Variants in SYT1 observed in about 807,000 individuals in gnomAD.
The protein encoded by SYT1 is synaptotagmin 1.
In SYT1, 8 loss-of-function variants were observed where a neutral mutation model predicts 44.8. The observed-to-expected ratio is 0.18, with a 90% confidence interval of 0.10 to 0.32. SYT1 has a LOEUF of 0.32. SYT1 is among the 10% of genes least tolerant of loss of function. The pLI is 1.00. For missense variants in SYT1, 286 were observed against 509.3 expected, an observed-to-expected ratio of 0.56 and a Z score of 4.22; for synonymous variants, 154 against 188.8, an observed-to-expected ratio of 0.82 and a Z score of 1.51.
At chr12:78,907,513 C>G (rs1876060425) in intron 1 of SYT1, among the ~76,000 whole-genome samples, 1 of 151,952 alleles carries the variant, frequency 6.6e-6, no homozygotes, top group Non-Finnish European at 1.5e-5. Context: ...TTGAGTTTCT[C>G]TAGCAAAGCA....
intron 4 of SYT1, among the ~76,000 whole-genome samples, chr12:79,253,524 T>TCTCTCA (rs1877350017): frequency 2.2e-5 from 3 of 135,770 alleles, no homozygotes; most frequent in African/African-American, 8.6e-5. Flanking sequence ...TCTCTCTCTC[T>TCTCTCA]CACCTCAGAA....
At chr12:79,168,352 G>T (rs1232580236) in intron 3 of SYT1, among the ~76,000 whole-genome samples, 1 of 151,970 alleles carries the variant, frequency 6.6e-6, no homozygotes, top group African/African-American at 2.4e-5. Flanking sequence ...CCAAAACCGT[G>T]TCAGGCAAAT....
intron 9 of SYT1, among the ~76,000 whole-genome samples, chr12:79,431,504 TTTTATTTTATTA>T (rs1393745250): frequency 6.0e-5 from 8 of 134,200 alleles, no homozygotes; most frequent in South Asian, 2.4e-4. Flanking sequence ...GTTTATTTTA[TTTTATTTTATTA>T]TTTATTTATT....
chr12:79,043,519 T>A (rs1873754465), intron 2 of SYT1, among the ~76,000 whole-genome samples: 1 of 150,824 alleles, frequency 6.6e-6, no homozygotes, highest in South Asian at 2.1e-4. Context: ...CCTATGTGTG[T>A]CTCTGCATGT....
chr12:79,400,752 A>G (rs1220361327), intron 9 of SYT1, among the ~76,000 whole-genome samples: 1 of 152,196 alleles, frequency 6.6e-6, no homozygotes, highest in African/African-American at 2.4e-5. Flanking sequence ...TGTTGTTCTG[A>G]TCACCTTTGT....
At chr12:79,270,225 T>C (rs1024851042) in intron 4 of SYT1, among the ~76,000 whole-genome samples, 1 of 152,208 alleles carries the variant, frequency 6.6e-6, no homozygotes, top group East Asian at 1.9e-4. Context: ...CATCTACTTA[T>C]AATGATCTAG....
At chr12:78,985,630 T>C (rs1869588078) in intron 2 of SYT1, among the ~76,000 whole-genome samples, 1 of 151,788 alleles carries the variant, frequency 6.6e-6, no homozygotes. Context: ...AAATTCTTTA[T>C]GTTCTTTTAG....
At chr12:79,161,100 G>A (rs1426094210) in intron 3 of SYT1, among the ~76,000 whole-genome samples, 1 of 151,968 alleles carries the variant, frequency 6.6e-6, no homozygotes, top group Non-Finnish European at 1.5e-5. Context: ...TATTAGCCAG[G>A]TATGGTGGGT....
intron 1 of SYT1, among the ~76,000 whole-genome samples, chr12:78,917,636 GA>G (rs1876744518): frequency 1.3e-5 from 2 of 150,536 alleles, no homozygotes; most frequent in Non-Finnish European, 3.0e-5. Flanking sequence ...AAAAAAAAAG[GA>G]AAACCAATTT....
rs78817728 is a variant in SYT1 at position 79,357,368 on chromosome 12, A to G, written c.928+3749A>G. ...TTTAACTGCAGTCATGTGTTGATTA[A>G]CAACAGGCATACATTTTGAGAAATG... On this transcript the variant is annotated intron_variant, in intron 9 of 10. Coordinates refer to ENST00000261205, the MANE Select transcript of SYT1 (RefSeq NM_005639.3). Among the ~76,000 whole-genome samples the G allele has an allele frequency of 1.0e-2, 1,521 of 152,326 alleles. 16 individuals are homozygous for G. The highest frequency in any genetic ancestry group is 0.037 in the East Asian group (192 of 5,184).
At chr12:78,941,394 T>TACACACAC (rs71441941) in intron 1 of SYT1, among the ~76,000 whole-genome samples, 15 of 143,812 alleles carry the variant, frequency 1.0e-4, no homozygotes, top group East Asian at 6.2e-4. Context: ...TAATAGAATC[T>TACACACAC]ACACACACAC....
intron 1 of SYT1, among the ~76,000 whole-genome samples, chr12:78,866,192 A>C (rs994309522): frequency 9.9e-5 from 15 of 152,182 alleles, no homozygotes; most frequent in African/African-American, 1.2e-4. Context: ...TTTTCACTTT[A>C]TTCTACCTTT....
intron 9 of SYT1, among the ~76,000 whole-genome samples, chr12:79,425,851 C>T (rs970511042): frequency 6.6e-6 from 1 of 152,044 alleles, no homozygotes; most frequent in African/African-American, 2.4e-5. Context: ...TACTTATTGG[C>T]GTATGGCCTT....
intron 3 of SYT1, among the ~76,000 whole-genome samples, chr12:79,086,310 T>C (rs1053518883): frequency 6.6e-6 from 1 of 152,102 alleles, no homozygotes; most frequent in Non-Finnish European, 1.5e-5. Context: ...TTAGCCTCCG[T>C]CATTTTTCCT....
chr12:79,179,163 G>GAT (rs1872188348), intron 3 of SYT1, among the ~76,000 whole-genome samples: 1 of 59,294 alleles, frequency 1.7e-5, no homozygotes, highest in African/African-American at 5.9e-5. Flanking sequence ...TAGATATATA[G>GAT]ATATAGATAT....
At chr12:79,044,272 C>T (rs148975324) in intron 2 of SYT1, among the ~76,000 whole-genome samples, 4,401 of 152,222 alleles carry the variant, frequency 0.029, 201 homozygotes, top group African/African-American at 0.1. Context: ...ACCAGTCAGA[C>T]GTAGACTTGG....
At chr12:79,129,091 C>T (rs965963799) in intron 3 of SYT1, among the ~76,000 whole-genome samples, 5 of 152,088 alleles carry the variant, frequency 3.3e-5, no homozygotes, top group African/African-American at 7.2e-5. Context: ...TGATGGTATC[C>T]CTTCCCTCTC....
chr12:79,101,898 A>G (rs1439614375), intron 3 of SYT1, among the ~76,000 whole-genome samples: 3 of 152,120 alleles, frequency 2.0e-5, no homozygotes, highest in African/African-American at 7.2e-5. Context: ...AGAGTGAAAC[A>G]CTTCCTCAAA....
chr12:78,950,014 C>T, intron 1 of SYT1, among the ~76,000 whole-genome samples: 1 of 151,810 alleles, frequency 6.6e-6, no homozygotes, highest in African/African-American at 2.4e-5. Context: ...TTCTGTTAAC[C>T]CACAATTCTC....
Sources: gnomAD v4.1 joint callset for allele counts (sites outside exome capture counted in the v4.1 genomes callset) on GRCh38, gnomAD v4.1.1 for gene constraint, MANE v1.5 for transcripts, NCBI Gene and HGNC (gene_info 2026-07-23, HGNC 2026-07-21) for gene names.